GADL1: variants seen among roughly 807,000 people sequenced by gnomAD.
GADL1 encodes the protein GAD like acidic amino acid decarboxylase 1.
A neutral mutation model predicts 69.5 loss-of-function variants in GADL1; 71 were observed. The observed-to-expected ratio is 1.02, with a 90% CI of 0.84 to 1.25. GADL1 has a LOEUF of 1.25. GADL1 is among the 50% of genes most tolerant of loss of function. The pLI, the probability that GADL1 is intolerant of heterozygous loss-of-function variation, is 0.00. For missense variants in GADL1, 737 were observed against 631.8 expected (o/e 1.17, Z -1.79); for synonymous variants, 254 against 214.4 (o/e 1.18, Z -1.62).
intron 11 of GADL1, among the ~76,000 whole-genome samples, chr3:30,811,903 C>T (rs988442888): frequency 6.6e-6 from 1 of 152,060 alleles, no homozygotes; most frequent in East Asian, 1.9e-4. Flanking sequence ...AAAATGTTTC[C>T]CAGTGATGCT....
intron 14 of GADL1, among the ~76,000 whole-genome samples, chr3:30,743,542 A>G (rs1445821137): frequency 6.6e-6 from 1 of 152,158 alleles, no homozygotes; most frequent in Non-Finnish European, 1.5e-5. Flanking sequence ...GAAGACAAGG[A>G]AAGTGGGTTG....
chr3:30,882,866 T>C (rs1698660685), intron 1 of GADL1, among the ~76,000 whole-genome samples: 1 of 151,932 alleles, frequency 6.6e-6, no homozygotes, highest in South Asian at 2.1e-4. Context: ...AGTAGCCATC[T>C]TAATGGATGT....
At chr3:30,729,235 A>G (rs1367126590) in intron 14 of GADL1, among the ~76,000 whole-genome samples, 1 of 152,212 alleles carries the variant, frequency 6.6e-6, no homozygotes, top group Non-Finnish European at 1.5e-5. Context: ...TTTTCTAATC[A>G]GTAGTATGGC....
intron 14 of GADL1, among the ~76,000 whole-genome samples, chr3:30,762,916 TCA>T (rs1696176661): frequency 6.6e-6 from 1 of 152,224 alleles, no homozygotes; most frequent in Admixed American, 6.5e-5. Context: ...TGACTGGATC[TCA>T]TTCTTTTATG....
chr3:30,794,434 A>AT (rs1004700720), intron 12 of GADL1, among the ~76,000 whole-genome samples: 1 of 152,074 alleles, frequency 6.6e-6, no homozygotes, highest in Non-Finnish European at 1.5e-5. Context: ...ATAGTAAAAC[A>AT]TTTTTTACTT....
chr3:30,799,425 G>T (rs1315500835), intron 12 of GADL1: 3 of 152,288 alleles, frequency 2.0e-5, no homozygotes, highest in Non-Finnish European at 4.4e-5. Context: ...GGAGCAGCTG[G>T]GATGCAGGGC....
chr3:30,737,279 A>G (rs1695553478), intron 14 of GADL1, among the ~76,000 whole-genome samples: 1 of 152,150 alleles, frequency 6.6e-6, no homozygotes, highest in South Asian at 2.1e-4. Context: ...GGAGTTTAGT[A>G]AAGGAAAAGC....
intron 1 of GADL1, 47 bp from the exon 2 acceptor site, chr3:30,861,812 C>T (rs1393745): frequency 0.19 from 245,066 of 1,309,674 alleles, 26,808 homozygotes; most frequent in East Asian, 0.5. Context: ...TCTAATTACA[C>T]CACATAACAA....
chr3:30,810,826 TAGC>T (rs1375647541), intron 11 of GADL1, among the ~76,000 whole-genome samples: 5 of 151,856 alleles, frequency 3.3e-5, no homozygotes, highest in Admixed American at 6.6e-5. Context: ...GCAAAGGAAA[TAGC>T]AGCCTTCCAC....
At chr3:30,788,528 G>C (rs548036622) in intron 12 of GADL1, among the ~76,000 whole-genome samples, 1 of 152,116 alleles carries the variant, frequency 6.6e-6, no homozygotes, top group African/African-American at 2.4e-5. Flanking sequence ...GCTGAAGGTC[G>C]GGGTGGCTGG....
chr3:30,755,395 A>G (rs1241164959), intron 14 of GADL1, among the ~76,000 whole-genome samples: 1 of 152,162 alleles, frequency 6.6e-6, no homozygotes, highest in Non-Finnish European at 1.5e-5. Context: ...TTCTATGTAG[A>G]TATTCTAATA....
intron 1 of GADL1, among the ~76,000 whole-genome samples, chr3:30,875,799 C>T (rs1412283802): frequency 3.3e-5 from 5 of 151,872 alleles, no homozygotes; most frequent in Admixed American, 6.6e-5. Context: ...TGGGTAGATA[C>T]AGACATACCA....
intron 4 of GADL1, 38 bp downstream of exon 4, chr3:30,854,661 C>A: frequency 2.4e-6 from 3 of 1,225,758 alleles, no homozygotes; most frequent in Non-Finnish European, 3.5e-6. Flanking sequence ...AGTCTCTAAT[C>A]CACGTTTGGT....
intron 1 of GADL1, among the ~76,000 whole-genome samples, chr3:30,874,938 C>CT (rs571563003): frequency 1.3e-5 from 2 of 151,920 alleles, no homozygotes; most frequent in Non-Finnish European, 2.9e-5. Flanking sequence ...TAATTCTGGT[C>CT]TTGCCTGGGC....
intron 11 of GADL1, among the ~76,000 whole-genome samples, chr3:30,833,175 T>C (rs568884035): frequency 1.2e-3 from 175 of 152,134 alleles, no homozygotes; most frequent in African/African-American, 4.2e-3. Context: ...AAGAATGAAG[T>C]AGCACTTCCC....
chr3:30,788,441 T>C (rs1305676949), intron 12 of GADL1, among the ~76,000 whole-genome samples: 1 of 152,204 alleles, frequency 6.6e-6, no homozygotes, highest in Non-Finnish European at 1.5e-5. Flanking sequence ...CTAAGGATTA[T>C]CTGAGACTTC....
intron 14 of GADL1, among the ~76,000 whole-genome samples, chr3:30,777,590 T>TGA (rs1380726272): frequency 6.6e-6 from 1 of 152,178 alleles, no homozygotes; most frequent in Non-Finnish European, 1.5e-5. Flanking sequence ...GAGGAGTAGA[T>TGA]GAGACACAAG....
chr3:30,864,332 A>G (rs911680668), intron 1 of GADL1, among the ~76,000 whole-genome samples: 1 of 151,632 alleles, frequency 6.6e-6, no homozygotes, highest in Admixed American at 6.6e-5. Flanking sequence ...CCTGCTCATT[A>G]TGTTTCTCTT....
At chr3:30,740,656 C>T (rs1476436346) in intron 14 of GADL1, among the ~76,000 whole-genome samples, 1 of 151,962 alleles carries the variant, frequency 6.6e-6, no homozygotes, top group African/African-American at 2.4e-5. Context: ...TACTTTCTTA[C>T]TCTCCCATAT....
Sources: gnomAD v4.1 joint callset for allele counts (sites outside exome capture counted in the v4.1 genomes callset) on GRCh38, gnomAD v4.1.1 for gene constraint, MANE v1.5 for transcripts, NCBI Gene and HGNC (gene_info 2026-07-23, HGNC 2026-07-21) for gene names.